HIVEP3: variants seen among roughly 807,000 people sequenced by gnomAD.
HIVEP3 encodes the protein transcription factor HIVEP3.
Under a neutral mutation model 152.8 loss-of-function variants are expected in HIVEP3, and 49 were observed. The ratio of observed to expected loss-of-function variants is 0.32; its 90% CI spans 0.26 to 0.41. The LOEUF (loss-of-function observed/expected upper bound fraction) is 0.41. HIVEP3 is among the 10% of genes least tolerant of loss of function. The pLI is 1.00. For missense variants in HIVEP3, 2,790 were observed against 3,103.3 expected (o/e 0.90, Z 2.40); for synonymous variants, 1,269 against 1,289.0 (o/e 0.98, Z 0.33).
In HIVEP3 at chr1:41,581,796, T is replaced by A. The variant is rs761584297; in HGVS notation, c.3002A>T (p.His1001Leu). ...GCGTGTCTCGGTCATGTGGGCAGAA[T>A]GGGAAACGTTGGGGCTCTGCTCTGA... The part of the protein sequence containing the change: ...SASEQSPNVS[H>L]SAHMTETRSK... The change falls in exon 4 of 9, where the codon CAT (histidine) becomes CTT (leucine). Residue 1001 changes from histidine to leucine, a missense_variant. Coordinates refer to ENST00000372583, the MANE Select transcript of HIVEP3 (RefSeq NM_024503.5). The surrounding 1 kb of genome is among the most constrained non-coding windows in gnomAD (Gnocchi z 4.5). The A allele has an allele frequency of 1.9e-6, 3 of 1,585,954 alleles. No homozygotes were observed. Among genetic ancestry groups the A allele is most frequent in the Non-Finnish European group, 2.6e-6 (3 of 1,166,066 alleles).
At chr1:41,617,471 T>A (rs576416100) in intron 3 of HIVEP3, among the ~76,000 whole-genome samples, 4 of 152,330 alleles carry the variant, frequency 2.6e-5, no homozygotes, top group African/African-American at 9.6e-5. Context: ...AGCAAGTCTG[T>A]CTCTCAAGTA....
chr1:41,859,743 A>C (rs1239061145), intron 1 of HIVEP3, among the ~76,000 whole-genome samples: 1 of 152,260 alleles, frequency 6.6e-6, no homozygotes, highest in Non-Finnish European at 1.5e-5. Context: ...GTTAGGGGAA[A>C]GAACAACCTT....
At chr1:41,576,221 G>A (rs932180693) in intron 4 of HIVEP3, among the ~76,000 whole-genome samples, 1 of 152,186 alleles carries the variant, frequency 6.6e-6, no homozygotes, top group Admixed American at 6.5e-5. Context: ...CAGGATCTTG[G>A]CCCTCCTGAG....
chr1:41,621,654 G>T (rs774467313), intron 3 of HIVEP3, among the ~76,000 whole-genome samples: 1 of 152,216 alleles, frequency 6.6e-6, no homozygotes, highest in Non-Finnish European at 1.5e-5. Flanking sequence ...TAGGACTACA[G>T]GAGTATGACC....
intron 2 of HIVEP3, among the ~76,000 whole-genome samples, chr1:41,686,041 T>TTCTG (rs1553248593): frequency 6.6e-6 from 1 of 151,922 alleles, no homozygotes; most frequent in Non-Finnish European, 1.5e-5. Context: ...ACTGTGGTTT[T>TTCTG]TTTGTTTGTT....
intron 2 of HIVEP3, among the ~76,000 whole-genome samples, chr1:41,637,576 T>G (rs917460054): frequency 1.3e-5 from 2 of 152,158 alleles, no homozygotes; most frequent in Non-Finnish European, 2.9e-5. Flanking sequence ...GACTGCACTC[T>G]CAGCTGTGAC....
chr1:41,758,267 C>G (rs12126745), intron 1 of HIVEP3, among the ~76,000 whole-genome samples: 127,323 of 152,070 alleles, frequency 0.84, 56,066 homozygotes, highest in Non-Finnish European at 0.98. Flanking sequence ...AAGAGATCTT[C>G]ACAATAGTGA....
At chr1:41,578,799 T>C (rs1644359980) in intron 4 of HIVEP3, among the ~76,000 whole-genome samples, 1 of 152,180 alleles carries the variant, frequency 6.6e-6, no homozygotes, top group South Asian at 2.1e-4. Flanking sequence ...CCCTAAGCTA[T>C]AGAAGGGAGA....
At chr1:41,905,169 G>A (rs1644690762) in intron 1 of HIVEP3, among the ~76,000 whole-genome samples, 2 of 152,156 alleles carry the variant, frequency 1.3e-5, no homozygotes, top group African/African-American at 2.4e-5. Context: ...AAGGAACAAA[G>A]CAAACAGGTG....
intron 3 of HIVEP3, among the ~76,000 whole-genome samples, chr1:41,618,014 C>G (rs962765483): frequency 5.9e-5 from 9 of 152,208 alleles, no homozygotes; most frequent in Admixed American, 6.5e-5. Flanking sequence ...TTCCCCAGCT[C>G]TCTCTGCCTG....
intron 1 of HIVEP3, among the ~76,000 whole-genome samples, chr1:41,992,261 G>T (rs908985985): frequency 7.2e-5 from 11 of 152,150 alleles, no homozygotes; most frequent in African/African-American, 2.7e-4. Context: ...CATTGACTCA[G>T]CCCAAAATCT....
rs1015193420 is a variant in HIVEP3, at chr1:41,533,762, G to A, written c.5208-8852C>T. ...TCTTCTCACCACACACCTTCCCCAG[G>A]TGACCCTCCACCTGGGTGCTGATGG... On this transcript the variant is annotated intron_variant, in intron 5 of 8. Transcript: ENST00000372583. This position sits in a 1 kb window ranked among gnomAD's most constrained non-coding sequence, Gnocchi z 4.3. 6.6e-6 allele frequency among the ~76,000 whole-genome samples: 1 copy of A among 151,840 alleles called. No homozygotes were observed. Among genetic ancestry groups the A allele is most frequent in the Admixed American group, 6.6e-5 (1 of 15,266 alleles).
intron 5 of HIVEP3, among the ~76,000 whole-genome samples, chr1:41,527,355 TCA>T (rs1558029634): frequency 3.8e-5 from 2 of 52,356 alleles, no homozygotes; most frequent in African/African-American, 1.6e-4. Flanking sequence ...ACACTCACCT[TCA>T]CACTCCACAC....
intron 1 of HIVEP3, among the ~76,000 whole-genome samples, chr1:41,754,137 C>T (rs1647218426): frequency 6.6e-6 from 1 of 152,202 alleles, no homozygotes; most frequent in African/African-American, 2.4e-5. Flanking sequence ...ACAGCAAAGA[C>T]ACCATAGCGG....
rs1645761045 is a variant in HIVEP3, at chr1:41,664,220, C to T, written c.-720-35273G>A. Reference sequence around the variant, plus strand: ...GGACAGATTCCTGCTCCTCACTCCACTCCTGCCCTGCCCCCACTGTCCTGC... The same window carrying T: ...GGACAGATTCCTGCTCCTCACTCCATTCCTGCCCTGCCCCCACTGTCCTGC... On this transcript the variant is annotated intron_variant, in intron 2 of 8. Coordinates refer to ENST00000372583, the MANE Select transcript of HIVEP3 (RefSeq NM_024503.5). This position sits in a 1 kb window ranked among gnomAD's most constrained non-coding sequence, Gnocchi z 4.4. Among the ~76,000 whole-genome samples, 1 of 152,222 alleles carries T rather than the reference C, an allele frequency of 6.6e-6. No individual in the cohort carries two copies. The highest frequency in any genetic ancestry group is 2.4e-5 in the African/African-American group (1 of 41,462).
At chr1:41,760,913 A>G (rs886978953) in intron 1 of HIVEP3, among the ~76,000 whole-genome samples, 1 of 152,112 alleles carries the variant, frequency 6.6e-6, no homozygotes, top group South Asian at 2.1e-4. Flanking sequence ...TGACCCTCAA[A>G]CATGTCCCGT....
At chr1:41,751,324 ATTTTTTTTT>A (rs35864189) in intron 1 of HIVEP3, among the ~76,000 whole-genome samples, 1 of 104,560 alleles carries the variant, frequency 9.6e-6, no homozygotes, top group African/African-American at 3.8e-5. Flanking sequence ...ACTGACACAC[ATTTTTTTTT>A]TTTTTTTTTT....
At chr1:41,890,454 G>A (rs1405100140) in intron 1 of HIVEP3, among the ~76,000 whole-genome samples, 4 of 152,206 alleles carry the variant, frequency 2.6e-5, no homozygotes, top group Non-Finnish European at 1.5e-5. Context: ...TACAGGCACT[G>A]TGACAGCCCT....
chr1:41,577,916 G>A (rs977875191), intron 4 of HIVEP3, among the ~76,000 whole-genome samples: 3 of 152,206 alleles, frequency 2.0e-5, no homozygotes, highest in African/African-American at 4.8e-5. Context: ...ATTCTGGAAG[G>A]AAACATGCCA....
Sources: gnomAD v4.1 joint callset for allele counts (sites outside exome capture counted in the v4.1 genomes callset) on GRCh38, gnomAD v4.1.1 for gene constraint, Gnocchi (gnomAD v3.1) non-coding constraint, MANE v1.5 for transcripts, NCBI Gene and HGNC (gene_info 2026-07-23, HGNC 2026-07-21) for gene names.